Variants in SRPK2 observed in about 807,000 individuals in gnomAD.
SRPK2 encodes SRSF protein kinase 2, also known as SFRS protein kinase 2.
A neutral mutation model predicts 90.8 loss-of-function variants in SRPK2; 21 were observed. The observed-to-expected ratio is 0.23, with a 90% CI of 0.16 to 0.33. The LOEUF (loss-of-function observed/expected upper bound fraction) is 0.33. Ranked by LOEUF, SRPK2 falls within the 10% of genes least tolerant of loss-of-function variation. The pLI is 1.00. For missense variants in SRPK2, 620 were observed against 869.0 expected, an observed-to-expected ratio of 0.71 and a Z score of 3.60; for synonymous variants, 288 against 311.1, an observed-to-expected ratio of 0.93 and a Z score of 0.78.
chr7:105,165,415 G>C (rs956075785), intron 6 of SRPK2, among the ~76,000 whole-genome samples: 1 of 152,182 alleles, frequency 6.6e-6, no homozygotes, highest in Non-Finnish European at 1.5e-5. Context: ...GGGTCGAGTG[G>C]GGACTTTGAA....
chr7:105,297,720 C>T (rs1271127687), intron 2 of SRPK2, among the ~76,000 whole-genome samples: 1 of 149,828 alleles, frequency 6.7e-6, no homozygotes, highest in Non-Finnish European at 1.5e-5. Flanking sequence ...TTATTTTCAT[C>T]TTTAATTAAG....
intron 2 of SRPK2, among the ~76,000 whole-genome samples, chr7:105,334,357 CGT>C (rs1255762058): frequency 6.6e-6 from 1 of 152,084 alleles, no homozygotes; most frequent in Non-Finnish European, 1.5e-5. Flanking sequence ...GGATTACAGG[CGT>C]GAGCCACCAC....
chr7:105,343,628 G>GT (rs1816092140), intron 2 of SRPK2, among the ~76,000 whole-genome samples: 1 of 151,682 alleles, frequency 6.6e-6, no homozygotes, highest in South Asian at 2.1e-4. Context: ...TCCTACATAC[G>GT]TTTTCTAACT....
chr7:105,221,665 G>C (rs944948175), intron 2 of SRPK2, among the ~76,000 whole-genome samples: 1 of 152,002 alleles, frequency 6.6e-6, no homozygotes, highest in Non-Finnish European at 1.5e-5. Flanking sequence ...ATAACCCCCT[G>C]TCCACAACAG....
intron 3 of SRPK2, among the ~76,000 whole-genome samples, chr7:105,177,602 A>G (rs1324940780): frequency 6.6e-6 from 1 of 152,180 alleles, no homozygotes; most frequent in Non-Finnish European, 1.5e-5. Flanking sequence ...CAAATGTACT[A>G]CTCTGAAGGA....
At chr7:105,122,813 G>A (rs372055297) in intron 15 of SRPK2, among the ~76,000 whole-genome samples, 21 of 151,462 alleles carry the variant, frequency 1.4e-4, no homozygotes, top group African/African-American at 1.9e-4. Flanking sequence ...ACACACACGC[G>A]CGCGCACACA....
intron 3 of SRPK2, among the ~76,000 whole-genome samples, chr7:105,197,620 G>A (rs1444332859): frequency 1.3e-5 from 2 of 152,124 alleles, no homozygotes; most frequent in African/African-American, 2.4e-5. Flanking sequence ...CAAACTACAG[G>A]GCCTTGACCA....
At chr7:105,216,441 C>T (rs1400535846) in intron 2 of SRPK2, among the ~76,000 whole-genome samples, 1 of 152,024 alleles carries the variant, frequency 6.6e-6, no homozygotes, top group Admixed American at 6.6e-5. Context: ...AAACTCCTTT[C>T]AGGAGTTCAA....
chr7:105,342,323 T>C (rs1678073501), intron 2 of SRPK2, among the ~76,000 whole-genome samples: 1 of 150,616 alleles, frequency 6.6e-6, no homozygotes, highest in Admixed American at 6.6e-5. Flanking sequence ...AAACTCCGTC[T>C]CAAATTAATA....
chr7:105,310,609 C>T (rs932168043), intron 2 of SRPK2, among the ~76,000 whole-genome samples: 4 of 151,898 alleles, frequency 2.6e-5, no homozygotes, highest in African/African-American at 9.7e-5. Context: ...CGCCACTGCA[C>T]TCCAGCCCGG....
chr7:105,142,052 C>A lies in SRPK2; in HGVS notation c.1499G>T (p.Arg500Ile). The part of the protein sequence containing the change: ...EQEESSPSHD[R>I]SRTVSASSTG... ...ACTGGAGGCTGAAACCGTTCTGCTT[C>A]TGTCATGGGATGGACTGCTCTCCTC... is the stretch of plus-strand genomic sequence containing the variant. The change falls in exon 11 of 16, where the codon AGA becomes ATA. Residue 500 changes from arginine (R) to isoleucine (I), a missense_variant. This residue lies in a region of SRPK2 where 243 missense variants were observed against 245.7 expected (regional missense o/e 0.99). Coordinates refer to ENST00000393651, the MANE Select transcript of SRPK2 (RefSeq NM_182692.3). The A allele has an allele frequency of 6.2e-7, 1 of 1,613,950 alleles. No homozygotes were observed. Among genetic ancestry groups the A allele is most frequent in the Non-Finnish European group, 8.5e-7 (1 of 1,179,934 alleles).
At chr7:105,281,975 T>C (rs1488116621) in intron 2 of SRPK2, among the ~76,000 whole-genome samples, 1 of 152,116 alleles carries the variant, frequency 6.6e-6, no homozygotes, top group Non-Finnish European at 1.5e-5. Context: ...CAAATTCATG[T>C]AGAAATGCAA....
intron 2 of SRPK2, among the ~76,000 whole-genome samples, chr7:105,215,032 C>T (rs1278982587): frequency 1.3e-5 from 2 of 152,148 alleles, no homozygotes; most frequent in African/African-American, 4.8e-5. Context: ...AGAGATAAAG[C>T]CTTGCATTTA....
chr7:105,387,860 C>T (rs1821805141), intron 2 of SRPK2, among the ~76,000 whole-genome samples: 1 of 152,194 alleles, frequency 6.6e-6, no homozygotes, highest in Non-Finnish European at 1.5e-5. Context: ...GGAAAGGGTT[C>T]TTGGGCAGCG....
At chr7:105,259,554 C>T (rs1407819086) in intron 2 of SRPK2, among the ~76,000 whole-genome samples, 1 of 152,068 alleles carries the variant, frequency 6.6e-6, no homozygotes, top group Non-Finnish European at 1.5e-5. Context: ...TCATATGGAA[C>T]CAAAAAAGAG....
At chr7:105,253,923 A>C (rs1802849158) in intron 2 of SRPK2, among the ~76,000 whole-genome samples, 1 of 151,564 alleles carries the variant, frequency 6.6e-6, no homozygotes, top group Non-Finnish European at 1.5e-5. Context: ...AAAAAAAAAC[A>C]AGCCAGCCAT....
chr7:105,250,147 T>A (rs1484828892), intron 2 of SRPK2, among the ~76,000 whole-genome samples: 3 of 152,088 alleles, frequency 2.0e-5, no homozygotes, highest in Non-Finnish European at 2.9e-5. Context: ...CTGGCCAACA[T>A]GGTGAAACCC....
chr7:105,326,514 T>C (rs997070551), intron 2 of SRPK2, among the ~76,000 whole-genome samples: 4 of 152,306 alleles, frequency 2.6e-5, no homozygotes, highest in Admixed American at 1.3e-4. Context: ...CAGCGAATAA[T>C]TGGCAAGATC....
intron 2 of SRPK2, among the ~76,000 whole-genome samples, chr7:105,314,246 C>G (rs1812059894): frequency 1.3e-5 from 2 of 151,916 alleles, no homozygotes. Flanking sequence ...ATATGAAAAT[C>G]ACTTGAACCC....
Sources: allele counts gnomAD v4.1 joint callset (sites outside exome capture counted in the v4.1 genomes callset), GRCh38; gene constraint gnomAD v4.1.1; regional missense constraint gnomAD v4.1.1; transcripts MANE v1.5; gene names NCBI Gene and HGNC (gene_info 2026-07-23, HGNC 2026-07-21).